PPP4R3A: variants seen among roughly 807,000 people sequenced by gnomAD.
PPP4R3A encodes serine/threonine-protein phosphatase 4 regulatory subunit 3A.
In PPP4R3A, 15 loss-of-function variants were observed where a neutral mutation model predicts 91.7. That is an observed-to-expected ratio of 0.16 (90% CI 0.11 to 0.25). PPP4R3A has a LOEUF of 0.25. PPP4R3A is among the 10% of genes least tolerant of loss of function. The pLI is 1.00. For missense variants in PPP4R3A, 623 were observed against 998.4 expected (o/e 0.62, Z 5.07); for synonymous variants, 377 against 348.7 (o/e 1.08, Z -0.91).
chr14:91,469,116 T>TTAAA (rs369523807), intron 10 of PPP4R3A, among the ~76,000 whole-genome samples: 8 of 133,158 alleles, frequency 6.0e-5, no homozygotes, highest in South Asian at 2.4e-4. Flanking sequence ...ATTTTTTCTG[T>TTAAA]AAAAAAAAAA....
chr14:91,509,461 G>A (rs1248047048), intron 1 of PPP4R3A, 45 bp downstream of exon 1: 1 of 1,547,426 alleles, frequency 6.5e-7, no homozygotes, highest in Non-Finnish European at 8.7e-7. Context: ...GGCGGCCCAG[G>A]GCCGTGGGGG....
upstream of PPP4R3A, chr14:91,510,413 G>A (rs1281296382): frequency 6.5e-6 from 1 of 152,742 alleles, no homozygotes; most frequent in African/African-American, 2.4e-5. Flanking sequence ...GCTTCCGACG[G>A]AGGCGGGAGG....
At chr14:91,464,647 G>A (rs1888369812) in intron 11 of PPP4R3A, among the ~76,000 whole-genome samples, 1 of 152,066 alleles carries the variant, frequency 6.6e-6, no homozygotes, top group South Asian at 2.1e-4. Flanking sequence ...AGAACCACTA[G>A]CTTATTACAT....
intron 2 of PPP4R3A, 36 bp from the exon 3 acceptor site, chr14:91,485,766 T>A (rs758654649): frequency 3.5e-6 from 5 of 1,419,952 alleles, no homozygotes; most frequent in Admixed American, 4.0e-5. Flanking sequence ...ATGATTAACA[T>A]ACACTATCAC....
chr14:91,468,698 G>GA lies in PPP4R3A; in HGVS notation c.1660+2138dup, dbSNP rs1222506643. On this transcript the variant is annotated intron_variant, in intron 10 of 14. Transcript: ENST00000554943. Reference sequence around the variant, plus strand: ...AAAAAAAAAAAAAAAAAGGAAAAAAGAAAAAAAAGACCAAGTATACTTTGT... The same window carrying GA: ...AAAAAAAAAAAAAAAAAGGAAAAAAGAAAAAAAAAGACCAAGTATACTTTGT... Among the ~76,000 whole-genome samples the GA allele has an allele frequency of 9.4e-4, 92 of 98,234 alleles. No homozygotes were observed. In the East Asian group the frequency reaches 0.029, roughly 31 times the overall value. The allele number at this position is 98,234 out of a possible 152,430, so 64.4% of individuals were successfully genotyped here.
rs79256904 is a variant in PPP4R3A at position 91,484,270 on chromosome 14, T to C, written c.297+1362A>G. Among the ~76,000 whole-genome samples the C allele has an allele frequency of 3.0e-3, 457 of 152,310 alleles. 10 individuals carry two copies. In the East Asian group the frequency reaches 0.056, roughly 19 times the overall value. On this transcript the variant is annotated intron_variant, in intron 3 of 14. Coordinates refer to ENST00000554943, the MANE Select transcript of PPP4R3A (RefSeq NM_001366432.2). Reference sequence around the variant, plus strand: ...AGCGAAGTAGAATATATTCTTGAAATAAATTCCATTAAGTCAAGGAAAAAC... The same window carrying C: ...AGCGAAGTAGAATATATTCTTGAAACAAATTCCATTAAGTCAAGGAAAAAC...
intron 1 of PPP4R3A, among the ~76,000 whole-genome samples, chr14:91,500,615 G>A (rs1026470627): frequency 1.3e-5 from 2 of 152,058 alleles, no homozygotes; most frequent in African/African-American, 4.8e-5. Flanking sequence ...CATTAATAAT[G>A]ACCCATAAAC....
rs1409851996 is a variant in PPP4R3A at position 91,482,024 on chromosome 14, C to T, written c.467G>A (p.Arg156His). Residue 156 changes from arginine (R) to histidine (H), a missense_variant, in exon 4 of 15, where the codon CGT (arginine) becomes CAT (histidine). Arg to His is a conservative substitution (Grantham distance 29). Coordinates refer to ENST00000554943, the MANE Select transcript of PPP4R3A (RefSeq NM_001366432.2). ...TAGTGCCAGTGCAAGTTTTTCACGA[C>T]GAAGAGGTGAAGGTAAAGATGATGC... ...LVASSLPSPL[R>H]REKLALALEN... 2.5e-6 allele frequency: 4 copies of T among 1,613,940 alleles called. No individual in the cohort carries two copies. The highest frequency in any genetic ancestry group is 3.4e-6 in the Non-Finnish European group (4 of 1,180,008).
Position 91,482,211 on chromosome 14 carries a change from A to T in PPP4R3A, c.298-18T>A. The T allele has an allele frequency of 1.3e-6, 2 of 1,565,780 alleles. No individual in the cohort carries two copies. The highest frequency in any genetic ancestry group is 1.7e-6 in the Non-Finnish European group (2 of 1,161,584). ...CCTTGAACCTATGAAAAAAAATTTAATTGCTGACAAAATAGATAACAGGTG... is the reference window on the plus strand; with the variant it reads ...CCTTGAACCTATGAAAAAAAATTTATTTGCTGACAAAATAGATAACAGGTG... On this transcript the variant is annotated intron_variant, in intron 3 of 14. Coordinates refer to ENST00000554943, the MANE Select transcript of PPP4R3A (RefSeq NM_001366432.2).
chr14:91,489,380 A>G lies in PPP4R3A; in HGVS notation c.198+1367T>C, dbSNP rs183925607. Among the ~76,000 whole-genome samples, 373 of 152,352 alleles carry G rather than the reference A, an allele frequency of 2.4e-3. 2 individuals are homozygous for G. Among genetic ancestry groups the G allele is most frequent in the Non-Finnish European group, 1.5e-3 (99 of 68,036 alleles). On this transcript the variant is annotated intron_variant, in intron 2 of 14. Coordinates refer to ENST00000554943, the MANE Select transcript of PPP4R3A (RefSeq NM_001366432.2). The stretch of plus-strand genomic sequence containing the variant: ...TGTAAAGCCAATAACACATTCTGCT[A>G]TAACGTATATTCAGAATCACTTTGT...
At chr14:91,478,098 G>GA (rs1282667963) in intron 4 of PPP4R3A, among the ~76,000 whole-genome samples, 1 of 152,146 alleles carries the variant, frequency 6.6e-6, no homozygotes, top group Non-Finnish European at 1.5e-5. Flanking sequence ...GAGTGCTCCA[G>GA]AAAAATCTTC....
At chr14:91,501,489 A>G (rs1335176333) in intron 1 of PPP4R3A, among the ~76,000 whole-genome samples, 1 of 152,154 alleles carries the variant, frequency 6.6e-6, no homozygotes, top group African/African-American at 2.4e-5. Context: ...CCCCATCTCT[A>G]CAAAAATAAC....
At chr14:91,486,920 A>AAAAAAT (rs1555436582) in intron 2 of PPP4R3A, among the ~76,000 whole-genome samples, 32 of 147,162 alleles carry the variant, frequency 2.2e-4, no homozygotes, top group Non-Finnish European at 3.4e-4. Flanking sequence ...AAAAAAAAAA[A>AAAAAAT]AAAATAGAGA....
intron 4 of PPP4R3A, among the ~76,000 whole-genome samples, chr14:91,479,534 AT>A (rs1426295567): frequency 6.6e-6 from 1 of 150,806 alleles, no homozygotes; most frequent in Non-Finnish European, 1.5e-5. Context: ...TACCTGGCTA[AT>A]TTAAAAAAAA....
At chr14:91,460,770 G>GTGC in intron 14 of PPP4R3A, among the ~76,000 whole-genome samples, 2 of 149,664 alleles carry the variant, frequency 1.3e-5, no homozygotes, top group African/African-American at 4.9e-5. Flanking sequence ...ACAGGCGCCC[G>GTGC]CCACCACGCC....
At chr14:91,459,375 G>A (rs1321460207) in intron 14 of PPP4R3A, among the ~76,000 whole-genome samples, 1 of 151,958 alleles carries the variant, frequency 6.6e-6, no homozygotes, top group Non-Finnish European at 1.5e-5. Context: ...CAAAGTGCTG[G>A]GATTACAGGC....
chr14:91,492,022 G>A (rs761738068), intron 1 of PPP4R3A, among the ~76,000 whole-genome samples: 13 of 152,268 alleles, frequency 8.5e-5, no homozygotes, highest in South Asian at 2.1e-4. Flanking sequence ...TTTTATATAC[G>A]TGCTTACTTT....
intron 1 of PPP4R3A, among the ~76,000 whole-genome samples, chr14:91,492,186 TCTC>T (rs1890266238): frequency 6.6e-6 from 1 of 152,186 alleles, no homozygotes; most frequent in Admixed American, 6.5e-5. Flanking sequence ...CCCATACCCC[TCTC>T]CTCTTATCAA....
At chr14:91,459,945 G>A (rs1888021507) in intron 14 of PPP4R3A, among the ~76,000 whole-genome samples, 1 of 152,110 alleles carries the variant, frequency 6.6e-6, no homozygotes, top group African/African-American at 2.4e-5. Context: ...GTTCTACCCT[G>A]ACTCTTCCTC....
Sources: gnomAD v4.1 joint callset for allele counts (sites outside exome capture counted in the v4.1 genomes callset) on GRCh38, gnomAD v4.1.1 for gene constraint, MANE v1.5 for transcripts, NCBI Gene and HGNC (gene_info 2026-07-23, HGNC 2026-07-21) for gene names.